The following ITCH variants were observed in gnomAD, a reference collection of about 807,000 sequenced individuals.
ITCH encodes itchy E3 ubiquitin protein ligase.
In ITCH, 28 loss-of-function variants were observed where a neutral mutation model predicts 126.8. The observed-to-expected ratio is 0.22, with a 90% CI of 0.16 to 0.30. The LOEUF (loss-of-function observed/expected upper bound fraction) is 0.30, where lower values mean the gene tolerates loss of function less well. Ranked by LOEUF, ITCH falls within the 10% of genes least tolerant of loss-of-function variation. The probability of loss-of-function intolerance (pLI) is 1.00; values close to 1 mark genes in which losing one functional copy is unlikely to be tolerated. For synonymous variants in ITCH, 342 were observed against 340.0 expected (o/e 1.01, Z -0.06); for missense variants, 631 against 1,032.4 (o/e 0.61, Z 5.33).
At chr20:34,501,298 A>G (rs1990229154) in intron 23 of ITCH, among the ~76,000 whole-genome samples, 1 of 152,220 alleles carries the variant, frequency 6.6e-6, no homozygotes, top group Non-Finnish European at 1.5e-5. Context: ...GAAAATACTT[A>G]TACATAGCCT....
At chr20:34,382,785 T>C (rs563828919) in intron 2 of ITCH, among the ~76,000 whole-genome samples, 7 of 147,132 alleles carry the variant, frequency 4.8e-5, no homozygotes, top group African/African-American at 1.3e-4. Flanking sequence ...GCCTTGTAGC[T>C]CAGGCTGGAG....
chr20:34,409,087 T>G (rs747131177), intron 4 of ITCH, among the ~76,000 whole-genome samples: 5 of 151,862 alleles, frequency 3.3e-5, no homozygotes, highest in Non-Finnish European at 5.9e-5. Flanking sequence ...CTAAAAAGAT[T>G]TCTGGCAGCA....
intron 4 of ITCH, among the ~76,000 whole-genome samples, chr20:34,409,817 T>G (rs1365050758): frequency 1.3e-5 from 2 of 152,122 alleles, no homozygotes; most frequent in African/African-American, 4.8e-5. Context: ...CATTATAATC[T>G]AAGATATTGA....
At chr20:34,479,372 G>A (rs963372612) in intron 17 of ITCH, among the ~76,000 whole-genome samples, 3 of 152,000 alleles carry the variant, frequency 2.0e-5, no homozygotes, top group Non-Finnish European at 2.9e-5. Flanking sequence ...CAATTTAGTC[G>A]TTCATCAAAT....
At chr20:34,438,203 T>C (rs1228814946) in intron 7 of ITCH, among the ~76,000 whole-genome samples, 2 of 152,376 alleles carry the variant, frequency 1.3e-5, no homozygotes, top group South Asian at 4.1e-4. Flanking sequence ...ATTTGAAATA[T>C]GAACCAGCAT....
chr20:34,366,627 G>A (rs181066520), intron 1 of ITCH, among the ~76,000 whole-genome samples: 144 of 152,152 alleles, frequency 9.5e-4, no homozygotes, highest in Middle Eastern at 6.8e-3. Flanking sequence ...AACAGTTTGG[G>A]AGGCTGAGGC....
intron 5 of ITCH, among the ~76,000 whole-genome samples, chr20:34,413,483 G>GTT (rs140777366): frequency 0.014 from 2,153 of 152,074 alleles, 24 homozygotes; most frequent in Middle Eastern, 0.034. Context: ...TTACAAGGAT[G>GTT]GAATGAACAT....
At chr20:34,502,699 CA>C (rs1388393941) in intron 23 of ITCH, among the ~76,000 whole-genome samples, 46 of 127,658 alleles carry the variant, frequency 3.6e-4, no homozygotes, top group African/African-American at 3.8e-4. Flanking sequence ...GACTCCGCCT[CA>C]AAAAAAAAAA....
Position 34,503,885 on chromosome 20 carries a change from G to GT in ITCH, c.2417-432dup, listed in dbSNP as rs11167236. On this transcript the variant is annotated intron_variant, in intron 23 of 24. Transcript: ENST00000374864. ...TTTTTTTTTGGTTTTTTTTTTTTTG[G>GT]TTTTTTTTTTTTTTGAGATAGGGTC... Among the ~76,000 whole-genome samples the GT allele has an allele frequency of 4.3e-3, 467 of 109,586 alleles. 5 individuals are homozygous for GT. Among genetic ancestry groups the GT allele is most frequent in the Non-Finnish European group, 5.0e-3 (272 of 54,538 alleles). 71.9% of individuals were successfully genotyped at this position (109,586 alleles called of 152,430 possible).
At chr20:34,406,532 C>T (rs1234131946) in intron 3 of ITCH, among the ~76,000 whole-genome samples, 2 of 149,812 alleles carry the variant, frequency 1.3e-5, no homozygotes, top group Non-Finnish European at 3.0e-5. Flanking sequence ...TAAGCTGCTG[C>T]TTCTTTTTTT....
intron 7 of ITCH, among the ~76,000 whole-genome samples, chr20:34,432,664 A>G (rs1354616561): frequency 6.6e-6 from 1 of 152,132 alleles, no homozygotes. Flanking sequence ...CTTTAAAACT[A>G]TTTTTTAGGG....
At chr20:34,480,923 C>A in intron 19 of ITCH, 143 bp from the exon 20 acceptor site, 1 of 1,048,774 alleles carries the variant, frequency 9.5e-7, no homozygotes, top group Non-Finnish European at 1.4e-6. Flanking sequence ...AATAATATGA[C>A]CTTAGAACAG....
chr20:34,449,347 T>A (rs1194377859), intron 11 of ITCH, 64 bp from the exon 12 acceptor site: 3 of 973,014 alleles, frequency 3.1e-6, no homozygotes, highest in African/African-American at 3.2e-5. Flanking sequence ...TCAGAACTCA[T>A]AAGCTTGCTG....
At chr20:34,377,306 G>A (rs1357132742) in intron 2 of ITCH, among the ~76,000 whole-genome samples, 2 of 152,084 alleles carry the variant, frequency 1.3e-5, no homozygotes, top group South Asian at 2.1e-4. Flanking sequence ...ACAGGGAGGC[G>A]GAGGTTGCAA....
chr20:34,496,996 A>G (rs566954093), intron 23 of ITCH, among the ~76,000 whole-genome samples: 3 of 151,232 alleles, frequency 2.0e-5, no homozygotes, highest in South Asian at 2.1e-4. Flanking sequence ...CTTTCCCCCA[A>G]TGATTGTTCT....
intron 8 of ITCH, among the ~76,000 whole-genome samples, 195 bp from the exon 9 acceptor site, chr20:34,439,960 G>T (rs567210136): frequency 6.6e-6 from 1 of 152,170 alleles, no homozygotes. Flanking sequence ...AGACAGGACC[G>T]AAAAAGTAAA....
chr20:34,463,137 C>T (rs369014794), intron 14 of ITCH, among the ~76,000 whole-genome samples: 184 of 152,222 alleles, frequency 1.2e-3, no homozygotes, highest in African/African-American at 4.2e-3. Context: ...CCAAGGCAGG[C>T]GGATCACCTG....
In ITCH at chr20:34,470,421, A is replaced by AATATAT. The variant is rs11474698; in HGVS notation, c.1497+314_1497+319dup. Among the ~76,000 whole-genome samples the AATATAT allele has an allele frequency of 8.0e-4, 118 of 146,962 alleles. 2 individuals carry two copies. The highest frequency in any genetic ancestry group is 7.8e-3 in the South Asian group (36 of 4,636). Reference sequence around the variant, plus strand: ...AACATATTGAGGCCTTACCTCTGTAAATATATATATATATATATTTCTTTT... The same window carrying AATATAT: ...AACATATTGAGGCCTTACCTCTGTAAATATATATATATATATATATATATTTCTTTT... On this transcript the variant is annotated intron_variant, in intron 15 of 24. Coordinates refer to ENST00000374864, the MANE Select transcript of ITCH (RefSeq NM_031483.7).
intron 17 of ITCH, among the ~76,000 whole-genome samples, chr20:34,478,976 T>C (rs1988483484): frequency 6.6e-6 from 1 of 152,180 alleles, no homozygotes; most frequent in Admixed American, 6.5e-5. Context: ...TTATGCCACA[T>C]GTATTACCCC....
Sources: allele counts gnomAD v4.1 joint callset (sites outside exome capture counted in the v4.1 genomes callset), GRCh38; gene constraint gnomAD v4.1.1; transcripts MANE v1.5; gene names NCBI Gene and HGNC (gene_info 2026-07-23, HGNC 2026-07-21).